Variants in BCLAF3 observed in about 807,000 individuals in gnomAD.
BCLAF3 encodes the protein transient octamer binding factor 1.
Under a neutral mutation model 51.2 loss-of-function variants are expected in BCLAF3, and 24 were observed. The observed-to-expected ratio is 0.47, with a 90% CI of 0.34 to 0.66. BCLAF3 has a LOEUF of 0.66. BCLAF3 is among the 30% of genes least tolerant of loss of function. The pLI is 0.01. For missense variants in BCLAF3, 465 were observed against 525.1 expected (o/e 0.89, Z 1.12); for synonymous variants, 152 against 176.6 (o/e 0.86, Z 1.10).
At chrX:19,983,556 T>A (rs946081438) in intron 1 of BCLAF3, among the ~76,000 whole-genome samples, 2 of 105,186 alleles carry the variant, frequency 1.9e-5, no homozygotes, top group Non-Finnish European at 3.9e-5. Flanking sequence ...ACTAAAAATA[T>A]AAAAAAAATG....
chrX:19,981,055 T>C (rs1464777498), intron 1 of BCLAF3, among the ~76,000 whole-genome samples: 1 of 111,268 alleles, frequency 9.0e-6, no homozygotes, highest in Non-Finnish European at 1.9e-5. Context: ...TCCACTGCTA[T>C]GTACACAATA....
intron 8 of BCLAF3, among the ~76,000 whole-genome samples, chrX:19,939,172 C>T (rs1163848143): frequency 8.9e-6 from 1 of 112,081 alleles, no homozygotes; most frequent in Non-Finnish European, 1.9e-5. Flanking sequence ...AAAATATACA[C>T]ATATGTGCCC....
chrX:19,948,460 T>G (rs1347933440), intron 8 of BCLAF3, among the ~76,000 whole-genome samples: 2 of 111,605 alleles, frequency 1.8e-5, no homozygotes, highest in African/African-American at 6.5e-5. Context: ...ACATATTATA[T>G]TATTGAATTT....
chrX:19,918,594 G>A (rs1268189149), intron 11 of BCLAF3, among the ~76,000 whole-genome samples: 2 of 90,204 alleles, frequency 2.2e-5, no homozygotes, highest in Non-Finnish European at 4.2e-5. Flanking sequence ...AGGCTGGAGT[G>A]CAGTGGTGCG....
intron 1 of BCLAF3, among the ~76,000 whole-genome samples, chrX:19,987,041 G>A (rs906524376): frequency 9.1e-6 from 1 of 110,328 alleles, no homozygotes; most frequent in Admixed American, 9.7e-5. Context: ...CCTGGCCTCA[G>A]GTGATCCTCC....
At chrX:19,937,700 T>C (rs777563770) in intron 8 of BCLAF3, among the ~76,000 whole-genome samples, 168 bp from the exon 9 acceptor site, 2 of 112,515 alleles carry the variant, frequency 1.8e-5, no homozygotes, top group East Asian at 5.6e-4. Context: ...TCATTAGGGC[T>C]AAACCCCTCA....
chrX:19,954,117 TTCTA>T, intron 5 of BCLAF3: 1 of 754,231 alleles, frequency 1.3e-6, no homozygotes, highest in South Asian at 6.7e-5. Flanking sequence ...AGAATTTTCT[TTCTA>T]TCTGACACGC....
At chrX:19,931,781 C>T (rs1197335423) in intron 10 of BCLAF3, among the ~76,000 whole-genome samples, 1 of 112,086 alleles carries the variant, frequency 8.9e-6, no homozygotes, top group African/African-American at 3.2e-5. Context: ...TAAACAGATC[C>T]ACCTCTTTTC....
chrX:19,958,393 C>T (rs1415396642), intron 4 of BCLAF3, among the ~76,000 whole-genome samples: 1 of 111,957 alleles, frequency 8.9e-6, no homozygotes, highest in Admixed American at 9.5e-5. Context: ...AAAATCCGTA[C>T]GACACATATA....
intron 8 of BCLAF3, among the ~76,000 whole-genome samples, chrX:19,941,691 G>C (rs1279179404): frequency 4.6e-5 from 5 of 108,627 alleles, no homozygotes; most frequent in African/African-American, 1.7e-4. Context: ...AGTATAGTTT[G>C]AAGTCAGGTA....
chrX:19,928,120 C>T (rs1187165731), intron 11 of BCLAF3, among the ~76,000 whole-genome samples: 4 of 107,029 alleles, frequency 3.7e-5, no homozygotes, highest in East Asian at 6.1e-4. Context: ...TGGGCTCAAG[C>T]GATCCTCTCT....
chrX:19,929,705 A>C, intron 11 of BCLAF3, 80 bp downstream of exon 11: 1 of 989,934 alleles, frequency 1.0e-6, no homozygotes, highest in Non-Finnish European at 1.4e-6. Context: ...TAAATGAGAA[A>C]CCAATTTATC....
Position 19,913,683 on chromosome X carries a change from C to A in BCLAF3, c.*3622G>T, listed in dbSNP as rs1029214497. 14 of 111,176 alleles carry A rather than the reference C, an allele frequency of 1.3e-4. No individual in the cohort carries two copies. The highest frequency in any genetic ancestry group is 4.6e-4 in the African/African-American group (14 of 30,534). 9.2% of individuals were successfully genotyped at this position (111,176 alleles called of 1,213,427 possible). On this transcript the variant is annotated 3_prime_UTR_variant, in exon 12 of 12. Transcript: ENST00000379682. ...GTCTGGGACCACACTTTGAGAACCACTGTATTAAGGTCAAGGAAAAAAAAG... is the reference window on the plus strand; with the variant it reads ...GTCTGGGACCACACTTTGAGAACCAATGTATTAAGGTCAAGGAAAAAAAAG...
chrX:19,926,571 A>C (rs1409311693), intron 11 of BCLAF3, among the ~76,000 whole-genome samples: 1 of 111,663 alleles, frequency 9.0e-6, no homozygotes, highest in Non-Finnish European at 1.9e-5. Context: ...ACAGTCAGGT[A>C]AGCATTCAGC....
At chrX:19,975,337 T>C (rs867915015) in intron 1 of BCLAF3, among the ~76,000 whole-genome samples, 3 of 110,299 alleles carry the variant, frequency 2.7e-5, no homozygotes, top group Non-Finnish European at 5.7e-5. Flanking sequence ...CTTTTTTTTT[T>C]CCCTTCCTTT....
At chrX:19,929,656 CAACAAG>C (rs2070473632) in intron 11 of BCLAF3, 123 bp downstream of exon 11, 1 of 602,303 alleles carries the variant, frequency 1.7e-6, no homozygotes, top group Non-Finnish European at 2.5e-6. Flanking sequence ...AACTATCATG[CAACAAG>C]AACATTTAAA....
chrX:19,939,102 C>T (rs1038931212), intron 8 of BCLAF3, among the ~76,000 whole-genome samples: 4 of 111,420 alleles, frequency 3.6e-5, no homozygotes, highest in Non-Finnish European at 5.6e-5. Flanking sequence ...AAAATGCTCA[C>T]GACAGTAGAT....
intron 11 of BCLAF3, among the ~76,000 whole-genome samples, chrX:19,921,270 G>C (rs1243581517): frequency 8.9e-6 from 1 of 111,738 alleles, no homozygotes; most frequent in South Asian, 3.7e-4. Context: ...AAGAAGCAAT[G>C]AAACAAGCGA....
In BCLAF3 at chrX:19,929,816, TTATGAGTGATAAA is replaced by T; in HGVS notation, c.2062_2074del (p.Phe688SerfsTer6). 8.3e-7 allele frequency: 1 copy of T among 1,206,699 alleles called. No individual in the cohort carries two copies. Among genetic ancestry groups the T allele is most frequent in the Non-Finnish European group, 1.1e-6 (1 of 893,599 alleles). On this transcript the variant is annotated frameshift_variant, in exon 11 of 12. Transcript: ENST00000379682. LOFTEE classifies it high-confidence loss of function. ...TTTTCTCATTAATCTTTCTCTGAAC[TTATGAGTGATAAA>T]TCCCCTTGGGCCAGTGAACCGTAAA...
Sources: allele counts gnomAD v4.1 joint callset (sites outside exome capture counted in the v4.1 genomes callset), GRCh38; gene constraint gnomAD v4.1.1; transcripts MANE v1.5; gene names NCBI Gene and HGNC (gene_info 2026-07-23, HGNC 2026-07-21).